The following ACSBG2 variants were observed in gnomAD, a reference collection of about 807,000 sequenced individuals.
ACSBG2 encodes long-chain-fatty-acid--CoA ligase ACSBG2.
Under a neutral mutation model 74.7 loss-of-function variants are expected in ACSBG2, and 62 were observed. The ratio of observed to expected loss-of-function variants is 0.83; its 90% confidence interval spans 0.68 to 1.03. ACSBG2 has a LOEUF of 1.03. Among genes scored for constraint, ACSBG2 ranks in the 50% least tolerant of loss-of-function variants. ACSBG2 has a pLI of 0.00. For synonymous variants in ACSBG2, 309 were observed against 294.1 expected, an observed-to-expected ratio of 1.05 and a Z score of -0.52; for missense variants, 730 against 817.6, an observed-to-expected ratio of 0.89 and a Z score of 1.31.
chr19:6,156,197 G>C (rs2089414534), intron 4 of ACSBG2, among the ~76,000 whole-genome samples: 2 of 152,130 alleles, frequency 1.3e-5, no homozygotes, highest in South Asian at 4.1e-4. Context: ...ATAAAATGCG[G>C]TGTTCTAAGT....
At chr19:6,144,161 C>G (rs1472836181) in intron 2 of ACSBG2, among the ~76,000 whole-genome samples, 1 of 152,110 alleles carries the variant, frequency 6.6e-6, no homozygotes, top group Non-Finnish European at 1.5e-5. Context: ...CCACGCCTGG[C>G]TAATTTTTGT....
rs748999615 is a variant in ACSBG2 at position 6,190,537 on chromosome 19, ATTTTC to A, written c.1928-42_1928-38del. On this transcript the variant is annotated intron_variant, in intron 13 of 14. Transcript: ENST00000588485. Reference sequence around the variant, plus strand: ...GCCTGGTCATGCATGGGTGTGTGTAATTTTCTTTTATCTCCACAACTCAATTGATT... The same window carrying A: ...GCCTGGTCATGCATGGGTGTGTGTAATTTTATCTCCACAACTCAATTGATT... 107 of 1,555,162 alleles carry A rather than the reference ATTTTC, an allele frequency of 6.9e-5. 1 individual carries two copies. The Middle Eastern group carries it at 1.3e-3, about 20-fold the overall frequency.
chr19:6,168,236 C>T (rs1188198461), intron 7 of ACSBG2, among the ~76,000 whole-genome samples: 1 of 152,144 alleles, frequency 6.6e-6, no homozygotes, highest in East Asian at 1.9e-4. Context: ...ACACCAGACA[C>T]GTCCTGCCTC....
At chr19:6,184,412 G>A (rs1271782513) in intron 10 of ACSBG2, among the ~76,000 whole-genome samples, 1 of 151,984 alleles carries the variant, frequency 6.6e-6, no homozygotes, top group Admixed American at 6.6e-5. Flanking sequence ...CTTCAGTGGG[G>A]GAAATCATAA....
At chr19:6,152,456 A>G (rs111985578) in intron 4 of ACSBG2, among the ~76,000 whole-genome samples, 5,350 of 68,868 alleles carry the variant, frequency 0.078, 1,818 homozygotes, top group African/African-American at 0.21. Context: ...GCGCCCGGCT[A>G]ATTTTTTGTA....
intron 2 of ACSBG2, among the ~76,000 whole-genome samples, chr19:6,147,114 G>T (rs758977307): frequency 2.1e-4 from 31 of 149,572 alleles, no homozygotes; most frequent in Middle Eastern, 6.8e-3. Context: ...AAAAAAGAAA[G>T]AAAGAAAAAA....
intron 7 of ACSBG2, chr19:6,176,487 GA>G: frequency 9.2e-7 from 1 of 1,083,628 alleles, no homozygotes; most frequent in South Asian, 1.8e-5. Flanking sequence ...ACTGACTTAT[GA>G]AAAAACAACA....
intron 8 of ACSBG2, among the ~76,000 whole-genome samples, chr19:6,178,376 T>C (rs2090147826): frequency 7.7e-6 from 1 of 129,818 alleles, no homozygotes; most frequent in African/African-American, 3.5e-5. Flanking sequence ...TTCATTGCAT[T>C]ATTATTATTA....
intron 10 of ACSBG2, among the ~76,000 whole-genome samples, chr19:6,184,989 C>G (rs2090367468): frequency 6.6e-6 from 1 of 151,662 alleles, no homozygotes; most frequent in Non-Finnish European, 1.5e-5. Context: ...GTGGCGTGAT[C>G]ACTACTCACT....
At chr19:6,190,808 T>TACACACACACAC in intron 14 of ACSBG2, 116 bp downstream of exon 14, 1 of 387,396 alleles carries the variant, frequency 2.6e-6, no homozygotes, top group Non-Finnish European at 4.7e-6. Context: ...CATACACACA[T>TACACACACACAC]ACATACACAC....
chr19:6,190,694 T>C lies in ACSBG2; in HGVS notation c.*35+2T>C, dbSNP rs1701021165. 6.3e-7 allele frequency: 1 copy of C among 1,594,958 alleles called. No individual in the cohort carries two copies. Among genetic ancestry groups the C allele is most frequent in the Non-Finnish European group, 8.6e-7 (1 of 1,162,832 alleles). ...GAGCTGCTCTCAGCTGTTCTGATGG[T>C]GAGATTCAGTTGCTTGGCTTTGCTG... is the stretch of plus-strand genomic sequence containing the variant. On this transcript the variant is annotated splice_donor_variant, in intron 14 of 14. Transcript: ENST00000588485. LOFTEE classifies it low-confidence loss of function (3UTR_SPLICE).
chr19:6,151,037 C>G (rs1345993455), intron 3 of ACSBG2, among the ~76,000 whole-genome samples: 1 of 150,962 alleles, frequency 6.6e-6, no homozygotes, highest in Non-Finnish European at 1.5e-5. Flanking sequence ...TCGCTTGAAC[C>G]CAGGAGACGG....
intron 5 of ACSBG2, 109 bp downstream of exon 5, chr19:6,156,660 G>A: frequency 8.0e-7 from 1 of 1,244,918 alleles, no homozygotes; most frequent in Non-Finnish European, 1.1e-6. Context: ...ATAGGGCCAT[G>A]CATCTGTTCA....
intron 6 of ACSBG2, among the ~76,000 whole-genome samples, chr19:6,163,801 A>C (rs945907251): frequency 1.1e-4 from 16 of 142,682 alleles, no homozygotes; most frequent in East Asian, 6.0e-4. Context: ...AAAAAAAAAA[A>C]CAGCCAGGCG....
At position 6,187,750 on chromosome 19, in the gene ACSBG2, T is replaced by G; in HGVS notation, c.1832T>G (p.Ile611Ser). 1 of 1,614,052 alleles carries G rather than the reference T, an allele frequency of 6.2e-7. No homozygotes were observed. The highest frequency in any genetic ancestry group is 8.5e-7 in the Non-Finnish European group (1 of 1,180,004). ...GTCTACAAGGCCATCCAGCAAGGCA[T>G]CAATGCTGTGAACCAGGAAGCCATG... is the stretch of plus-strand genomic sequence containing the variant. The part of the protein sequence containing the change: ...PLVYKAIQQG[I>S]NAVNQEAMNN... The change falls in exon 13 of 15, where the codon ATC becomes AGC. Residue 611 changes from isoleucine (I) to serine (S), a missense_variant. Ile to Ser is a moderately radical substitution (Grantham distance 142). Coordinates refer to ENST00000588485, the MANE Select transcript of ACSBG2 (RefSeq NM_030924.5).
intron 6 of ACSBG2, among the ~76,000 whole-genome samples, chr19:6,164,450 T>TTTTTA (rs2089732554): frequency 6.6e-6 from 1 of 151,056 alleles, no homozygotes; most frequent in African/African-American, 2.4e-5. Context: ...TTTTTTTTTT[T>TTTTTA]GAGATGGAGT....
intron 3 of ACSBG2, among the ~76,000 whole-genome samples, chr19:6,148,802 C>A (rs148123286): frequency 8.2e-4 from 125 of 152,190 alleles, no homozygotes; most frequent in African/African-American, 2.9e-3. Flanking sequence ...CCCCCTCCTC[C>A]CGTAAATCTT....
chr19:6,192,262 G>C (rs1240426933), intron 14 of ACSBG2, among the ~76,000 whole-genome samples: 1 of 152,034 alleles, frequency 6.6e-6, no homozygotes, highest in Non-Finnish European at 1.5e-5. Flanking sequence ...GCTCAGGCTA[G>C]AGTGCAGTGG....
chr19:6,138,850 A>C (rs2088705876), intron 1 of ACSBG2, among the ~76,000 whole-genome samples: 1 of 152,040 alleles, frequency 6.6e-6, no homozygotes, highest in South Asian at 2.1e-4. Flanking sequence ...AGCAAGTCAA[A>C]GGTGAATTAA....
Sources: allele counts gnomAD v4.1 joint callset (sites outside exome capture counted in the v4.1 genomes callset), GRCh38; gene constraint gnomAD v4.1.1; transcripts MANE v1.5; gene names NCBI Gene and HGNC (gene_info 2026-07-23, HGNC 2026-07-21).